The following C2CD2L variants were observed in gnomAD, a reference collection of about 807,000 sequenced individuals.
C2CD2L encodes the protein C2CD2 like, also known as phospholipid transfer protein C2CD2L.
C2CD2L carries 24 observed loss-of-function variants against 69.9 expected under a neutral mutation model. The ratio of observed to expected loss-of-function variants is 0.34; its 90% CI spans 0.25 to 0.48. The LOEUF is 0.48. Among genes scored for constraint, C2CD2L ranks in the 20% least tolerant of loss-of-function variants. C2CD2L has a pLI of 0.99. For synonymous variants in C2CD2L, 367 were observed against 391.0 expected (o/e 0.94, Z 0.72); for missense variants, 811 against 941.5 (o/e 0.86, Z 1.81).
chr11:119,102,263 C>T, upstream of C2CD2L: 1 of 481,536 alleles, frequency 2.1e-6, no homozygotes, highest in South Asian at 1.5e-5. Context: ...TGGGATGCCT[C>T]CGGCTCCAGG....
Position 119,109,631 on chromosome 11 carries a change from T to C in C2CD2L, c.355-473T>C, listed in dbSNP as rs1355278996. Among the ~76,000 whole-genome samples, 1 of 152,252 alleles carries C rather than the reference T, an allele frequency of 6.6e-6. No homozygotes were observed. The highest frequency in any genetic ancestry group is 1.5e-5 in the Non-Finnish European group (1 of 68,044). On this transcript the variant is annotated intron_variant, in intron 1 of 13. Coordinates refer to ENST00000648610, the MANE Select transcript of C2CD2L (RefSeq NM_001290474.2). The surrounding 1 kb of genome is among the most constrained non-coding windows in gnomAD (Gnocchi z 5.1). ...GGCTTAGCTTCATTTCTGCAGCTCTTATCTTGAACAAGGTGGCTCTACCAC... is the reference window on the plus strand; with the variant it reads ...GGCTTAGCTTCATTTCTGCAGCTCTCATCTTGAACAAGGTGGCTCTACCAC...
At position 119,110,472 on chromosome 11, in the gene C2CD2L, G is replaced by A. The variant is rs1056146055; in HGVS notation, c.451-89G>A. On this transcript the variant is annotated intron_variant, in intron 2 of 13. Coordinates refer to ENST00000648610, the MANE Select transcript of C2CD2L (RefSeq NM_001290474.2). This position sits in a 1 kb window ranked among gnomAD's most constrained non-coding sequence, Gnocchi z 5.7. The stretch of plus-strand genomic sequence containing the variant: ...ACATGAAGTCCTTAGGAAAACGGAA[G>A]TGGGGAGGGGTCTGCTGAACTATTA... 2 of 1,430,182 alleles carry A rather than the reference G, an allele frequency of 1.4e-6. No individual in the cohort carries two copies. The highest frequency in any genetic ancestry group is 2.3e-5 in the Admixed American group (1 of 42,922). 88.6% of individuals were successfully genotyped at this position (1,430,182 alleles called of 1,614,324 possible). A position where few individuals can be genotyped will look rare whatever the true frequency, so the allele number is the denominator to read the frequency against.
Position 119,110,077 on chromosome 11 carries a change from G to T in C2CD2L, c.355-27G>T. 1 of 1,542,202 alleles carries T rather than the reference G, an allele frequency of 6.5e-7. No individual in the cohort carries two copies. The highest frequency in any genetic ancestry group is 1.1e-5 in the South Asian group (1 of 89,624). On this transcript the variant is annotated intron_variant, in intron 1 of 13. Transcript: ENST00000648610. This position sits in a 1 kb window ranked among gnomAD's most constrained non-coding sequence, Gnocchi z 5.7. The stretch of plus-strand genomic sequence containing the variant: ...CTGTGGGGGGCAGCTCCAGAGACCT[G>T]ATCCAATGCCCACATTACTCCCTCA...
chr11:119,106,784 G>T (rs1946600044), upstream of C2CD2L: 1 of 152,246 alleles, frequency 6.6e-6, no homozygotes, highest in Non-Finnish European at 1.5e-5. Context: ...GGTTAATGGG[G>T]CTGTTTCTGG....
Position 119,116,255 on chromosome 11 carries a change from G to A in C2CD2L, c.2120G>A (p.Ter707=). 1 of 1,612,318 alleles carries A rather than the reference G, an allele frequency of 6.2e-7. No homozygotes were observed. Among genetic ancestry groups the A allele is most frequent in the Non-Finnish European group, 8.5e-7 (1 of 1,178,350 alleles). ...KANGNPSPQL[*] ...AATGGTAACCCCAGCCCCCAGCTCT[G>A]AGGACCCAGCTCTGAAAGGGCACGA... Residue 707 remains the stop codon, a stop_retained_variant, in exon 14 of 14, where the codon TGA becomes TAA. Transcript: ENST00000648610.
In C2CD2L at chr11:119,113,857, G is replaced by A. The variant is rs2134967472; in HGVS notation, c.1492G>A (p.Asp498Asn). The change falls in exon 12 of 14, where the codon GAC becomes AAC. Residue 498 changes from aspartate (D) to asparagine (N), a missense_variant and splice_region_variant. Transcript: ENST00000648610. ...PSNTSHSSSR[D>N]SHLSNGLDPV... Reference sequence around the variant, plus strand: ...TTCATTCTCTGCACCCCTAGCAGGGGACAGCCACCTTTCCAACGGCTTGGA... The same window carrying A: ...TTCATTCTCTGCACCCCTAGCAGGGAACAGCCACCTTTCCAACGGCTTGGA... 6.2e-7 allele frequency: 1 copy of A among 1,614,092 alleles called. No individual in the cohort carries two copies. The highest frequency in any genetic ancestry group is 8.5e-7 in the Non-Finnish European group (1 of 1,179,960).
At chr11:119,112,949 G>A in intron 10 of C2CD2L, 75 bp downstream of exon 10, 4 of 1,257,466 alleles carry the variant, frequency 3.2e-6, no homozygotes, top group Non-Finnish European at 4.5e-6. Context: ...GACAGTGAAA[G>A]AGGAGAGAGC....
Position 119,111,296 on chromosome 11 carries a change from G to T in C2CD2L, c.832G>T (p.Ala278Ser). 1 of 1,614,174 alleles carries T rather than the reference G, an allele frequency of 6.2e-7. No homozygotes were observed. The highest frequency in any genetic ancestry group is 8.5e-7 in the Non-Finnish European group (1 of 1,180,018). ...PSEKPPMMPQ[A>S]QPAIPRPNRL... ...TGAGAAGCCACCCATGATGCCCCAG[G>T]CTCAGCCAGCCATCCCCAGACCTAA... The change falls in exon 6 of 14, where the codon GCT becomes TCT. Residue 278 changes from alanine (A) to serine (S), a missense_variant. Coordinates refer to ENST00000648610, the MANE Select transcript of C2CD2L (RefSeq NM_001290474.2).
upstream of C2CD2L, among the ~76,000 whole-genome samples, chr11:119,105,512 T>C (rs1167479601): frequency 6.6e-6 from 1 of 152,094 alleles, no homozygotes; most frequent in African/African-American, 2.4e-5. Flanking sequence ...TGATGGCGCA[T>C]GCCTATAGTC....
chr11:119,114,275 G>T lies in C2CD2L; in HGVS notation c.1819G>T (p.Asp607Tyr). Reference protein sequence around the residue: ...VQEADETTRSDISERPSVDDI... With the variant: ...VQEADETTRSYISERPSVDDI... ...GGAAGCAGACGAGACAACCCGTTCG[G>T]ATATTTCTGAGAGGCCATCTGTGGA... The change falls in exon 13 of 14, where the codon GAT becomes TAT. Residue 607 changes from aspartate (D) to tyrosine (Y), a missense_variant. Coordinates refer to ENST00000648610, the MANE Select transcript of C2CD2L (RefSeq NM_001290474.2). The surrounding 1 kb of genome is among the most constrained non-coding windows in gnomAD (Gnocchi z 5.1). 6.2e-7 allele frequency: 1 copy of T among 1,614,152 alleles called. No homozygotes were observed. The highest frequency in any genetic ancestry group is 1.1e-5 in the South Asian group (1 of 91,088).
chr11:119,117,183 G>A lies in C2CD2L; in HGVS notation c.*927G>A, dbSNP rs1199877092. The A allele has an allele frequency of 6.6e-6, 1 of 152,610 alleles. No homozygotes were observed. The highest frequency in any genetic ancestry group is 1.5e-5 in the Non-Finnish European group (1 of 68,054). 9.5% of individuals were successfully genotyped at this position (152,610 alleles called of 1,614,324 possible). On this transcript the variant is annotated 3_prime_UTR_variant, in exon 14 of 14. Coordinates refer to ENST00000648610, the MANE Select transcript of C2CD2L (RefSeq NM_001290474.2). Reference sequence around the variant, plus strand: ...GCCAGGCTGTGACATGGATGGTGTGGGAGGATGAGACAGGGGCCCGGATAA... The same window carrying A: ...GCCAGGCTGTGACATGGATGGTGTGAGAGGATGAGACAGGGGCCCGGATAA...
Position 119,107,790 on chromosome 11 carries a change from A to T in C2CD2L, c.49A>T (p.Ile17Phe), listed in dbSNP as rs780805311. The T allele has an allele frequency of 1.9e-6, 3 of 1,548,372 alleles. No individual in the cohort carries two copies. In the East Asian group the frequency reaches 7.8e-5, roughly 40 times the overall value. ...QRDVGWAALL[I>F]LFAASLLTVF... ...GGACGTGGGCTGGGCGGCCTTGCTG[A>T]TCCTCTTCGCCGCCTCGCTGCTCAC... Residue 17 changes from isoleucine (I) to phenylalanine (F), a missense_variant, in exon 1 of 14, where the codon ATC becomes TTC. Coordinates refer to ENST00000648610, the MANE Select transcript of C2CD2L (RefSeq NM_001290474.2). This position sits in a 1 kb window ranked among gnomAD's most constrained non-coding sequence, Gnocchi z 5.4.
Position 119,110,996 on chromosome 11 carries a change from G to C in C2CD2L, c.681+39G>C, listed in dbSNP as rs1257346162. The C allele has an allele frequency of 6.2e-7, 1 of 1,613,662 alleles. No individual in the cohort carries two copies. ...GCTGGCAGAGAAGAGGCAGAACGGG[G>C]AGGGAGGCAGAGGTGGGGGATCCAC... On this transcript the variant is annotated intron_variant, in intron 4 of 13. Coordinates refer to ENST00000648610, the MANE Select transcript of C2CD2L (RefSeq NM_001290474.2). This position sits in a 1 kb window ranked among gnomAD's most constrained non-coding sequence, Gnocchi z 5.7.
chr11:119,108,273 A>C, intron 1 of C2CD2L, 178 bp downstream of exon 1: 2 of 524,700 alleles, frequency 3.8e-6, no homozygotes, highest in Non-Finnish European at 6.7e-6. Context: ...TAGAAATCCA[A>C]CTGGGTCCCC....
upstream of C2CD2L, among the ~76,000 whole-genome samples, chr11:119,106,351 C>T (rs1198566455): frequency 1.3e-5 from 2 of 152,216 alleles, no homozygotes; most frequent in African/African-American, 4.8e-5. Flanking sequence ...GTGCCAAAGA[C>T]CTTCCCACAT....
At position 119,110,535 on chromosome 11, in the gene C2CD2L, C is replaced by T. The variant is rs1424034590; in HGVS notation, c.451-26C>T. ...AAGCAGGGTGAGCACCCTTCCCCCA[C>T]ATCTGACCCACCTCGCCGGTCTCAG... On this transcript the variant is annotated intron_variant, in intron 2 of 13. Coordinates refer to ENST00000648610, the MANE Select transcript of C2CD2L (RefSeq NM_001290474.2). The surrounding 1 kb of genome is among the most constrained non-coding windows in gnomAD (Gnocchi z 5.7). 1.2e-6 allele frequency: 2 copies of T among 1,600,324 alleles called. No homozygotes were observed. The highest frequency in any genetic ancestry group is 1.1e-5 in the South Asian group (1 of 89,904).
rs955933956 is a variant in C2CD2L, at chr11:119,115,767, G to T, written c.1910-278G>T. On this transcript the variant is annotated intron_variant, in intron 13 of 13. Coordinates refer to ENST00000648610, the MANE Select transcript of C2CD2L (RefSeq NM_001290474.2). ...CTCCGTGATATCTCTTTTGCGGGCA[G>T]AGTTAAGATTGTACACAGATCCCCA... 87 of 547,062 alleles carry T rather than the reference G, an allele frequency of 1.6e-4. 1 individual carries two copies. In the Middle Eastern group the frequency reaches 4.3e-3, roughly 27 times the overall value. The allele number at this position is 547,062 out of a possible 1,614,324, so 33.9% of individuals were successfully genotyped here. A position where few individuals can be genotyped will look rare whatever the true frequency, so the allele number is the denominator to read the frequency against.
chr11:119,110,566 G>T lies in C2CD2L; in HGVS notation c.456G>T (p.Leu152=). 6.2e-7 allele frequency: 1 copy of T among 1,608,226 alleles called. No individual in the cohort carries two copies. Among genetic ancestry groups the T allele is most frequent in the Non-Finnish European group, 8.5e-7 (1 of 1,178,986 alleles). ...ACCCACCTCGCCGGTCTCAGGTGCT[G>T]CGTTGCCAGCTCTCTGCTGAGGAGG... ...CVDQSEHTMV[L]RCQLSAEEVR... is the part of the protein sequence containing the mutation. The change falls in exon 3 of 14, where the codon CTG becomes CTT. Residue 152 remains leucine (L), a synonymous_variant. Transcript: ENST00000648610. This position sits in a 1 kb window ranked among gnomAD's most constrained non-coding sequence, Gnocchi z 5.7.
upstream of C2CD2L, among the ~76,000 whole-genome samples, chr11:119,106,556 C>A (rs1411014594): frequency 1.3e-5 from 2 of 152,172 alleles, no homozygotes; most frequent in Non-Finnish European, 2.9e-5. Context: ...AGCACCATTT[C>A]TTGGGAGCTT....
Sources: gnomAD v4.1 joint callset for allele counts (sites outside exome capture counted in the v4.1 genomes callset) on GRCh38, gnomAD v4.1.1 for gene constraint, Gnocchi (gnomAD v3.1) non-coding constraint, MANE v1.5 for transcripts, NCBI Gene and HGNC (gene_info 2026-07-23, HGNC 2026-07-21) for gene names.